RFX4: variants seen among roughly 807,000 people sequenced by gnomAD.
The protein encoded by RFX4 is regulatory factor X4.
Under a neutral mutation model 95.0 loss-of-function variants are expected in RFX4, and 10 were observed. The observed-to-expected ratio is 0.11, with a 90% CI of 0.06 to 0.18. RFX4 has a LOEUF of 0.18. RFX4 is among the 10% of genes least tolerant of loss of function. RFX4 has a pLI of 1.00. For missense variants in RFX4, 640 were observed against 922.0 expected (o/e 0.69, Z 3.96); for synonymous variants, 321 against 340.7 (o/e 0.94, Z 0.64).
intron 2 of RFX4, among the ~76,000 whole-genome samples, chr12:106,629,006 GC>G (rs1248582701): frequency 6.6e-6 from 1 of 151,994 alleles, no homozygotes; most frequent in Non-Finnish European, 1.5e-5. Flanking sequence ...TGATCCACTG[GC>G]CTTGGCCTCC....
intron 4 of RFX4, among the ~76,000 whole-genome samples, chr12:106,669,469 A>G (rs1173665468): frequency 6.6e-6 from 1 of 152,222 alleles, no homozygotes; most frequent in East Asian, 1.9e-4. Flanking sequence ...TGGGGAAAAA[A>G]GCCAAGTGTG....
At chr12:106,605,958 C>G (rs2039823345) in intron 1 of RFX4, among the ~76,000 whole-genome samples, 1 of 152,190 alleles carries the variant, frequency 6.6e-6, no homozygotes, top group Non-Finnish European at 1.5e-5. Context: ...GCTTTCATCT[C>G]TCTCCAGTGT....
intron 1 of RFX4, among the ~76,000 whole-genome samples, chr12:106,597,454 G>A (rs993557563): frequency 6.6e-6 from 1 of 152,226 alleles, no homozygotes; most frequent in Non-Finnish European, 1.5e-5. Context: ...ATGCCTTAGA[G>A]GTGGGCCTGA....
At chr12:106,605,365 C>G (rs2039806804) in intron 1 of RFX4, among the ~76,000 whole-genome samples, 1 of 152,156 alleles carries the variant, frequency 6.6e-6, no homozygotes, top group South Asian at 2.1e-4. Flanking sequence ...AGGAAGCTAC[C>G]TGGCTTGTGA....
intron 15 of RFX4, among the ~76,000 whole-genome samples, chr12:106,746,718 G>A (rs957287283): frequency 2.0e-5 from 3 of 152,176 alleles, no homozygotes; most frequent in African/African-American, 7.2e-5. Flanking sequence ...AAAAAGACCT[G>A]AGCTGGCAGA....
At chr12:106,645,027 A>G (rs866124089) in intron 3 of RFX4, among the ~76,000 whole-genome samples, 1 of 152,004 alleles carries the variant, frequency 6.6e-6, no homozygotes, top group Middle Eastern at 3.4e-3. Context: ...CTTCCTTGCC[A>G]CAAACCCCCT....
At chr12:106,674,124 A>G (rs2041344892) in intron 4 of RFX4, among the ~76,000 whole-genome samples, 1 of 152,176 alleles carries the variant, frequency 6.6e-6, no homozygotes, top group Admixed American at 6.5e-5. Flanking sequence ...GCTCTGCTCC[A>G]GCCACATGGG....
intron 17 of RFX4, among the ~76,000 whole-genome samples, chr12:106,760,727 T>G (rs1385370291): frequency 6.6e-6 from 1 of 152,248 alleles, no homozygotes; most frequent in Non-Finnish European, 1.5e-5. Flanking sequence ...CATCATTGTA[T>G]TTTACTTGGC....
chr12:106,656,392 G>C (rs12321488), intron 4 of RFX4, among the ~76,000 whole-genome samples: 129 of 152,314 alleles, frequency 8.5e-4, no homozygotes, highest in African/African-American at 3.0e-3. Context: ...AGAGAGTCCT[G>C]TGTTATACTG....
At chr12:106,680,671 G>A (rs1012079698) in intron 4 of RFX4, 1 of 152,220 alleles carries the variant, frequency 6.6e-6, no homozygotes, top group Non-Finnish European at 1.5e-5. Flanking sequence ...GACCATGTAT[G>A]CCTGCTCAGT....
At chr12:106,660,532 T>G (rs1254161902) in intron 4 of RFX4, among the ~76,000 whole-genome samples, 1 of 152,120 alleles carries the variant, frequency 6.6e-6, no homozygotes, top group Admixed American at 6.5e-5. Flanking sequence ...TCACTGCATT[T>G]GGCCAACAAG....
At chr12:106,645,529 T>C (rs1265782716) in intron 3 of RFX4, among the ~76,000 whole-genome samples, 1 of 152,110 alleles carries the variant, frequency 6.6e-6, no homozygotes, top group East Asian at 1.9e-4. Flanking sequence ...TCCTTTCTTT[T>C]GAAAAAAATT....
chr12:106,681,526 ACGCTGGTGTGTTT>A (rs1277858551), intron 4 of RFX4, among the ~76,000 whole-genome samples: 1 of 152,230 alleles, frequency 6.6e-6, no homozygotes, highest in Non-Finnish European at 1.5e-5. Context: ...ATGGGGAGCA[ACGCTGGTGTGTTT>A]CAGTAATAGA....
At chr12:106,655,536 C>T (rs2040941264) in intron 4 of RFX4, among the ~76,000 whole-genome samples, 1 of 152,142 alleles carries the variant, frequency 6.6e-6, no homozygotes, top group Non-Finnish European at 1.5e-5. Flanking sequence ...GAAGGGAGAG[C>T]ACACAAGGTG....
chr12:106,751,314 AT>A (rs1176485357), intron 17 of RFX4, among the ~76,000 whole-genome samples: 2 of 141,226 alleles, frequency 1.4e-5, no homozygotes, highest in African/African-American at 2.7e-5. Context: ...TATGTGCCAC[AT>A]TTTCTTAATC....
rs201882106 is a variant in RFX4, at chr12:106,761,281, C to T, written c.2020C>T (p.Arg674Cys). ...PRLHPTPVTP[R>C]WPEVPSANTC... ...ACTGCATCCTACCCCAGTCACTCCC[C>T]GCTGGCCAGAGGTGCCCTCAGCCAA... is the stretch of plus-strand genomic sequence containing the variant. Residue 674 changes from arginine (R) to cysteine (C), a missense_variant, in exon 18 of 18, where the codon CGC becomes TGC. Arg to Cys is a radical substitution (Grantham distance 180, BLOSUM62 -3). Transcript: ENST00000392842. 7.6e-5 allele frequency: 122 copies of T among 1,614,132 alleles called. No homozygotes were observed. The East Asian group carries it at 2.2e-3, about 29-fold the overall frequency.
At chr12:106,733,968 C>T (rs1342936509) in intron 15 of RFX4, among the ~76,000 whole-genome samples, 1 of 152,176 alleles carries the variant, frequency 6.6e-6, no homozygotes, top group Non-Finnish European at 1.5e-5. Flanking sequence ...GTGGTATATA[C>T]ATAAATGGAA....
intron 3 of RFX4, among the ~76,000 whole-genome samples, chr12:106,644,508 C>T (rs1162348332): frequency 6.6e-6 from 1 of 152,174 alleles, no homozygotes; most frequent in Non-Finnish European, 1.5e-5. Flanking sequence ...GTTGGGATTA[C>T]AGGCATGAGC....
chr12:106,657,612 T>A (rs1278755709), intron 4 of RFX4, among the ~76,000 whole-genome samples: 2 of 152,194 alleles, frequency 1.3e-5, no homozygotes, highest in Non-Finnish European at 2.9e-5. Context: ...TTAAGGGTAA[T>A]GAAAGTTCAC....
Sources: gnomAD v4.1 joint callset for allele counts (sites outside exome capture counted in the v4.1 genomes callset) on GRCh38, gnomAD v4.1.1 for gene constraint, MANE v1.5 for transcripts, NCBI Gene and HGNC (gene_info 2026-07-23, HGNC 2026-07-21) for gene names.